The following GALNTL6 variants were observed in gnomAD, a reference collection of about 807,000 sequenced individuals.
The protein encoded by GALNTL6 is polypeptide N-acetylgalactosaminyltransferase-like 6.
In GALNTL6, 46 loss-of-function variants were observed where a neutral mutation model predicts 73.7. The observed-to-expected ratio is 0.62, with a 90% CI of 0.49 to 0.80. The LOEUF (loss-of-function observed/expected upper bound fraction) is 0.80, where lower values mean the gene tolerates loss of function less well. Ranked by LOEUF, GALNTL6 falls within the 30% of genes least tolerant of loss-of-function variation. The pLI is 0.00. For synonymous variants in GALNTL6, 259 were observed against 263.7 expected, an observed-to-expected ratio of 0.98 and a Z score of 0.17; for missense variants, 604 against 755.0, an observed-to-expected ratio of 0.80 and a Z score of 2.34.
At position 172,053,377 on chromosome 4, in the gene GALNTL6, T is replaced by C. The variant is rs1288824652; in HGVS notation, c.139-176279T>C. ...TTAATAAATACTCTGCACACAGACATCCAAAACCTATGAGCATTGATCCAA... is the reference window on the plus strand; with the variant it reads ...TTAATAAATACTCTGCACACAGACACCCAAAACCTATGAGCATTGATCCAA... On this transcript the variant is annotated intron_variant, in intron 2 of 12. Coordinates refer to ENST00000506823, the MANE Select transcript of GALNTL6 (RefSeq NM_001034845.3). Among the ~76,000 whole-genome samples, 3 of 152,064 alleles carry C rather than the reference T, an allele frequency of 2.0e-5. No homozygotes were observed. The East Asian group carries it at 5.8e-4, about 29-fold the overall frequency.
chr4:172,886,765 C>CAA (rs201913301), intron 8 of GALNTL6, among the ~76,000 whole-genome samples: 28 of 142,778 alleles, frequency 2.0e-4, no homozygotes, highest in African/African-American at 6.6e-4. Flanking sequence ...AACTCCATCT[C>CAA]AAAAAAAAAA....
intron 5 of GALNTL6, among the ~76,000 whole-genome samples, chr4:172,595,691 C>G (rs938071542): frequency 6.6e-6 from 1 of 152,000 alleles, no homozygotes; most frequent in Non-Finnish European, 1.5e-5. Flanking sequence ...ATTTTTTTTC[C>G]AATTTCATCA....
intron 2 of GALNTL6, among the ~76,000 whole-genome samples, chr4:172,211,880 C>T (rs769310643): frequency 5.9e-5 from 9 of 152,158 alleles, no homozygotes; most frequent in Non-Finnish European, 1.3e-4. Context: ...AGGGTGAAAA[C>T]TTCATGACTT....
chr4:172,492,140 G>A (rs539282856), intron 5 of GALNTL6, among the ~76,000 whole-genome samples: 3 of 152,108 alleles, frequency 2.0e-5, no homozygotes, highest in East Asian at 3.9e-4. Flanking sequence ...AAAAAATTGC[G>A]TATTATTTTT....
intron 2 of GALNTL6, among the ~76,000 whole-genome samples, chr4:172,149,184 T>A (rs926922121): frequency 6.6e-6 from 1 of 152,340 alleles, no homozygotes; most frequent in South Asian, 2.1e-4. Flanking sequence ...GAAAAATACA[T>A]ACACACATAT....
intron 2 of GALNTL6, among the ~76,000 whole-genome samples, chr4:171,829,332 G>C (rs1251251883): frequency 6.6e-6 from 1 of 152,094 alleles, no homozygotes; most frequent in East Asian, 1.9e-4. Context: ...ACAGCAGCCA[G>C]AGCTGTTTAT....
chr4:172,455,176 G>A (rs1294337738), intron 5 of GALNTL6, among the ~76,000 whole-genome samples: 1 of 152,184 alleles, frequency 6.6e-6, no homozygotes. Context: ...GTGCACTTTG[G>A]CCCAGCTACT....
intron 2 of GALNTL6, among the ~76,000 whole-genome samples, chr4:172,192,787 A>G (rs1735626281): frequency 6.6e-6 from 1 of 152,142 alleles, no homozygotes; most frequent in African/African-American, 2.4e-5. Flanking sequence ...CAGGCTGGAC[A>G]CTGCTTAAGA....
intron 7 of GALNTL6, among the ~76,000 whole-genome samples, chr4:172,853,905 A>G (rs1743978197): frequency 6.6e-6 from 1 of 152,140 alleles, no homozygotes; most frequent in Non-Finnish European, 1.5e-5. Context: ...AATGACCTCT[A>G]ATATCCTCTC....
At chr4:172,229,181 GTATT>G (rs1329907496) in intron 2 of GALNTL6, among the ~76,000 whole-genome samples, 1 of 152,156 alleles carries the variant, frequency 6.6e-6, no homozygotes, top group Non-Finnish European at 1.5e-5. Context: ...TATACACAGA[GTATT>G]TAACGTAGAA....
intron 11 of GALNTL6, among the ~76,000 whole-genome samples, chr4:173,012,645 T>A (rs1298315533): frequency 6.6e-6 from 1 of 152,130 alleles, no homozygotes; most frequent in East Asian, 1.9e-4. Context: ...GGAGAATAAA[T>A]CTTGGGGCAG....
chr4:173,017,777 C>A (rs1752841966), intron 11 of GALNTL6, among the ~76,000 whole-genome samples: 1 of 152,162 alleles, frequency 6.6e-6, no homozygotes, highest in African/African-American at 2.4e-5. Flanking sequence ...AAACAAGAAA[C>A]AGAGGTCACC....
chr4:172,472,403 G>A (rs1242076555), intron 5 of GALNTL6, among the ~76,000 whole-genome samples: 10 of 152,156 alleles, frequency 6.6e-5, no homozygotes, highest in Admixed American at 6.5e-4. Flanking sequence ...CCAAAACCTT[G>A]TGAAACAGGT....
rs113556796 is a variant in GALNTL6, at chr4:172,166,445, C to CA, written c.139-63198dup. Among the ~76,000 whole-genome samples, 876 of 126,818 alleles carry CA rather than the reference C, an allele frequency of 6.9e-3. 5 individuals carry two copies. The highest frequency in any genetic ancestry group is 0.021 in the African/African-American group (714 of 34,204). 83.2% of individuals were successfully genotyped at this position (126,818 alleles called of 152,430 possible). ...TGGGTGACAGAGCAAGACTCTGTCT[C>CA]AAAAAAAAAAAAATTGTATATGATG... On this transcript the variant is annotated intron_variant, in intron 2 of 12. Coordinates refer to ENST00000506823, the MANE Select transcript of GALNTL6 (RefSeq NM_001034845.3).
chr4:171,981,963 A>C (rs1739910191), intron 2 of GALNTL6, among the ~76,000 whole-genome samples: 1 of 152,094 alleles, frequency 6.6e-6, no homozygotes, highest in Admixed American at 6.5e-5. Flanking sequence ...ACTATATTTC[A>C]GAAGTCAAAT....
At chr4:172,135,407 A>AAG (rs10602453) in intron 2 of GALNTL6, among the ~76,000 whole-genome samples, 68 of 149,886 alleles carry the variant, frequency 4.5e-4, no homozygotes, top group East Asian at 1.2e-3. Context: ...ACTTAGGAAA[A>AAG]AGAGAGAGAG....
At chr4:172,171,025 A>C (rs892000250) in intron 2 of GALNTL6, among the ~76,000 whole-genome samples, 4 of 152,208 alleles carry the variant, frequency 2.6e-5, no homozygotes, top group African/African-American at 7.2e-5. Flanking sequence ...GCCCCAGTTT[A>C]TCTCTCATCA....
At chr4:171,984,902 C>T (rs1254876700) in intron 2 of GALNTL6, among the ~76,000 whole-genome samples, 1 of 151,788 alleles carries the variant, frequency 6.6e-6, no homozygotes, top group Non-Finnish European at 1.5e-5. Context: ...CCTGTAATCC[C>T]AGCACTTTGG....
At chr4:173,033,712 A>G (rs1323506655) in intron 12 of GALNTL6, among the ~76,000 whole-genome samples, 1 of 152,232 alleles carries the variant, frequency 6.6e-6, no homozygotes, top group East Asian at 1.9e-4. Context: ...CAGAGATAAA[A>G]CTAGGATTAA....
Sources: allele counts gnomAD v4.1 joint callset (sites outside exome capture counted in the v4.1 genomes callset), GRCh38; gene constraint gnomAD v4.1.1; transcripts MANE v1.5; gene names NCBI Gene and HGNC (gene_info 2026-07-23, HGNC 2026-07-21).